PTPRD: variants seen among roughly 807,000 people sequenced by gnomAD.
PTPRD encodes the protein receptor-type tyrosine-protein phosphatase delta.
In PTPRD, 34 loss-of-function variants were observed where a neutral mutation model predicts 214.5. The observed-to-expected ratio is 0.16, with a 90% confidence interval of 0.12 to 0.21. The LOEUF (loss-of-function observed/expected upper bound fraction) is 0.21, where lower values mean the gene tolerates loss of function less well. Ranked by LOEUF, PTPRD falls within the 10% of genes least tolerant of loss-of-function variation. The probability of loss-of-function intolerance (pLI) is 1.00; values close to 1 mark genes in which losing one functional copy is unlikely to be tolerated. For missense variants in PTPRD, 2,545 were observed against 2,398.7 expected, an observed-to-expected ratio of 1.06 and a Z score of -1.27; for synonymous variants, 1,128 against 845.7, an observed-to-expected ratio of 1.33 and a Z score of -5.79.
intron 14 of PTPRD, among the ~76,000 whole-genome samples, chr9:8,615,012 C>G (rs1177786766): frequency 6.6e-6 from 1 of 152,084 alleles, no homozygotes; most frequent in East Asian, 1.9e-4. Context: ...ATTCTTTCTC[C>G]ATCTGAGGGG....
chr9:8,707,574 C>G (rs745658792), intron 12 of PTPRD, among the ~76,000 whole-genome samples: 1 of 152,184 alleles, frequency 6.6e-6, no homozygotes, highest in East Asian at 1.9e-4. Context: ...GAAGTACAGA[C>G]AAGAAGCAGG....
At chr9:10,386,250 T>C (rs1360120680) in intron 2 of PTPRD, among the ~76,000 whole-genome samples, 2 of 151,906 alleles carry the variant, frequency 1.3e-5, no homozygotes, top group South Asian at 2.1e-4. Context: ...AAAGACCTTA[T>C]TTAGCCCAAT....
chr9:8,353,951 T>TGTGTGTGTAC (rs2076311415), intron 39 of PTPRD, among the ~76,000 whole-genome samples: 2 of 117,684 alleles, frequency 1.7e-5, no homozygotes, highest in African/African-American at 5.8e-5. Context: ...TATATATATA[T>TGTGTGTGTAC]ATATATATAT....
chr9:9,574,026 A>G lies in PTPRD; in HGVS notation c.-237+706T>C, dbSNP rs145564812. Among the ~76,000 whole-genome samples, 5 of 152,006 alleles carry G rather than the reference A, an allele frequency of 3.3e-5. No homozygotes were observed. In the East Asian group the frequency reaches 7.7e-4, roughly 23 times the overall value. Reference sequence around the variant, plus strand: ...TATCTGGATTTTATATATTTATTATAAAGTAAATCTTTATTATGTTTACTA... The same window carrying G: ...TATCTGGATTTTATATATTTATTATGAAGTAAATCTTTATTATGTTTACTA... On this transcript the variant is annotated intron_variant, in intron 8 of 45. Coordinates refer to ENST00000381196, the MANE Select transcript of PTPRD (RefSeq NM_002839.4).
chr9:8,471,313 T>C (rs1008055992), intron 30 of PTPRD, among the ~76,000 whole-genome samples: 3 of 152,134 alleles, frequency 2.0e-5, no homozygotes, highest in African/African-American at 7.2e-5. Flanking sequence ...AATATCATCA[T>C]GGTGGACTGC....
chr9:10,392,238 A>T (rs2098082825), intron 2 of PTPRD, among the ~76,000 whole-genome samples: 1 of 151,934 alleles, frequency 6.6e-6, no homozygotes, highest in Non-Finnish European at 1.5e-5. Flanking sequence ...ATGTATCCAC[A>T]ATATGGATTT....
chr9:9,147,081 C>G (rs935300), intron 10 of PTPRD, among the ~76,000 whole-genome samples: 45,451 of 151,910 alleles, frequency 0.3, 7,914 homozygotes, highest in Non-Finnish European at 0.39. Context: ...TAGTACATTA[C>G]AAGTATGAGA....
At chr9:9,451,164 A>G (rs561280723) in intron 8 of PTPRD, among the ~76,000 whole-genome samples, 2 of 151,832 alleles carry the variant, frequency 1.3e-5, no homozygotes, top group South Asian at 4.1e-4. Flanking sequence ...CTGTTTATAT[A>G]AGGTGCAATA....
At position 8,421,853 on chromosome 9, in the gene PTPRD, A is replaced by T. The variant is rs535793910; in HGVS notation, c.4086+14739T>A. Among the ~76,000 whole-genome samples the T allele has an allele frequency of 4.8e-5, 7 of 145,506 alleles. No homozygotes were observed. The East Asian group carries it at 1.3e-3, about 27-fold the overall frequency. On this transcript the variant is annotated intron_variant, in intron 35 of 45. Coordinates refer to ENST00000381196, the MANE Select transcript of PTPRD (RefSeq NM_002839.4). ...TACATTCACTGAACTTTTTTTTTTTAAATGGTGAATTTGCCCGGGCGTGAT... is the reference window on the plus strand; with the variant it reads ...TACATTCACTGAACTTTTTTTTTTTTAATGGTGAATTTGCCCGGGCGTGAT...
intron 3 of PTPRD, among the ~76,000 whole-genome samples, chr9:10,197,396 C>A (rs532007446): frequency 6.6e-6 from 1 of 152,158 alleles, no homozygotes; most frequent in African/African-American, 2.4e-5. Flanking sequence ...TGAGATCATT[C>A]CCTTTAATAG....
chr9:9,216,825 A>T (rs989122309), intron 9 of PTPRD, among the ~76,000 whole-genome samples: 1 of 152,158 alleles, frequency 6.6e-6, no homozygotes, highest in African/African-American at 2.4e-5. Flanking sequence ...AAAATCTATA[A>T]CTGTGTTAAT....
chr9:9,261,178 T>C (rs971060466), intron 9 of PTPRD, among the ~76,000 whole-genome samples: 2 of 151,896 alleles, frequency 1.3e-5, no homozygotes, highest in African/African-American at 4.8e-5. Flanking sequence ...GTAATGGCTG[T>C]TTTCTTAGCA....
chr9:10,470,683 C>T (rs936353703), intron 2 of PTPRD, among the ~76,000 whole-genome samples: 1 of 152,174 alleles, frequency 6.6e-6, no homozygotes, highest in East Asian at 1.9e-4. Flanking sequence ...TAGCTCCCTT[C>T]TCCCCAGTTG....
intron 3 of PTPRD, among the ~76,000 whole-genome samples, chr9:10,249,070 T>A (rs2092517352): frequency 1.3e-5 from 2 of 152,122 alleles, no homozygotes; most frequent in Admixed American, 1.3e-4. Context: ...TCTGCAGATC[T>A]TATATATCTT....
intron 12 of PTPRD, among the ~76,000 whole-genome samples, chr9:8,663,899 A>G (rs2097120448): frequency 1.3e-5 from 2 of 151,028 alleles, no homozygotes; most frequent in Admixed American, 1.3e-4. Flanking sequence ...AGTGCATTAA[A>G]AAAAAAAAAG....
chr9:8,837,338 A>G (rs927982043), intron 11 of PTPRD, among the ~76,000 whole-genome samples: 1 of 152,070 alleles, frequency 6.6e-6, no homozygotes, highest in Non-Finnish European at 1.5e-5. Context: ...AAAACAAGAG[A>G]TAGCAAAGAT....
chr9:9,294,769 C>T (rs1952432752), intron 9 of PTPRD, among the ~76,000 whole-genome samples: 1 of 151,626 alleles, frequency 6.6e-6, no homozygotes, highest in African/African-American at 2.4e-5. Flanking sequence ...GTTTAAGTCA[C>T]CCAATCTGGG....
intron 10 of PTPRD, among the ~76,000 whole-genome samples, chr9:9,103,937 G>A (rs986839389): frequency 6.6e-6 from 1 of 152,054 alleles, no homozygotes; most frequent in African/African-American, 2.4e-5. Context: ...GAGCCAAGAT[G>A]TTGCCACTGC....
chr9:9,451,422 T>C (rs534083880), intron 8 of PTPRD, among the ~76,000 whole-genome samples: 1 of 151,918 alleles, frequency 6.6e-6, no homozygotes, highest in South Asian at 2.1e-4. Context: ...TGCAGTTTGT[T>C]TCCATTTTTG....
Sources: allele counts gnomAD v4.1 joint callset (sites outside exome capture counted in the v4.1 genomes callset), GRCh38; gene constraint gnomAD v4.1.1; transcripts MANE v1.5; gene names NCBI Gene and HGNC (gene_info 2026-07-23, HGNC 2026-07-21).